Variants in RASA3 observed in about 807,000 individuals in gnomAD.
RASA3 encodes the protein ras GTPase-activating protein 3.
A neutral mutation model predicts 110.0 loss-of-function variants in RASA3; 73 were observed. The ratio of observed to expected loss-of-function variants is 0.66; its 90% CI spans 0.55 to 0.81. The LOEUF (loss-of-function observed/expected upper bound fraction) is 0.81. RASA3 is among the 30% of genes least tolerant of loss of function. The pLI is 0.00. For synonymous variants in RASA3, 500 were observed against 451.4 expected (o/e 1.11, Z -1.37); for missense variants, 976 against 1,113.2 (o/e 0.88, Z 1.75).
intron 4 of RASA3, among the ~76,000 whole-genome samples, chr13:114,039,893 G>A (rs1566513898): frequency 6.6e-6 from 1 of 152,200 alleles, no homozygotes; most frequent in Non-Finnish European, 1.5e-5. Flanking sequence ...GCAAGCCAGG[G>A]TGAGCCCCTG....
At chr13:114,071,694 G>A (rs1345920492) in intron 2 of RASA3, among the ~76,000 whole-genome samples, 4 of 152,140 alleles carry the variant, frequency 2.6e-5, no homozygotes, top group Non-Finnish European at 2.9e-5. Context: ...AACCCGGAGC[G>A]TGCATTAACA....
At chr13:114,015,129 G>A (rs2053758904) in intron 14 of RASA3, 80 bp downstream of exon 14, 5 of 1,566,702 alleles carry the variant, frequency 3.2e-6, no homozygotes, top group Non-Finnish European at 4.4e-6. Flanking sequence ...AGGGCTGCGG[G>A]GGGTTCTGCC....
rs2079246330 is a variant in RASA3 at position 114,056,415 on chromosome 13, G to C, written c.174-4260C>G. 1.0e-6 allele frequency: 1 copy of C among 980,666 alleles called. No individual in the cohort carries two copies. Among genetic ancestry groups the C allele is most frequent in the South Asian group, 4.7e-5 (1 of 21,186 alleles). 60.7% of individuals were successfully genotyped at this position (980,666 alleles called of 1,614,324 possible). A position where few individuals can be genotyped will look rare whatever the true frequency, so the allele number is the denominator to read the frequency against. On this transcript the variant is annotated intron_variant, in intron 2 of 23. Transcript: ENST00000334062. The surrounding 1 kb of genome is among the most constrained non-coding windows in gnomAD (Gnocchi z 5.7). The stretch of plus-strand genomic sequence containing the variant: ...CCTCACCACCCTGATGCACAGGGTG[G>C]GAAACCGAGGCACTCCAACATCTGA...
chr13:114,062,337 A>G (rs1010265741), intron 2 of RASA3, among the ~76,000 whole-genome samples: 5 of 152,194 alleles, frequency 3.3e-5, no homozygotes, highest in Non-Finnish European at 5.9e-5. Flanking sequence ...GCATTGTACA[A>G]AGAAAATCAG....
At chr13:114,005,410 T>C (rs2053492834) in intron 18 of RASA3, among the ~76,000 whole-genome samples, 1 of 151,550 alleles carries the variant, frequency 6.6e-6, no homozygotes, top group East Asian at 1.9e-4. Context: ...TGGGTGGAGG[T>C]TGAGGGAGGA....
chr13:114,110,713 G>A (rs1049175942), intron 1 of RASA3, among the ~76,000 whole-genome samples: 2 of 152,190 alleles, frequency 1.3e-5, no homozygotes, highest in East Asian at 1.9e-4. Context: ...GGCATGACAC[G>A]CACATCACAG....
intron 18 of RASA3, among the ~76,000 whole-genome samples, chr13:114,004,384 T>TA (rs1336196157): frequency 1.3e-5 from 2 of 151,010 alleles, no homozygotes; most frequent in Non-Finnish European, 2.9e-5. Context: ...AAATAAAAAT[T>TA]AAAAAAAAAT....
intron 2 of RASA3, among the ~76,000 whole-genome samples, chr13:114,055,754 G>T (rs1218008092): frequency 1.3e-5 from 2 of 152,204 alleles, no homozygotes; most frequent in Non-Finnish European, 2.9e-5. Context: ...TCCCGGCAGA[G>T]CCCCAAGAAC....
At chr13:114,066,367 T>A (rs7989602) in intron 2 of RASA3, among the ~76,000 whole-genome samples, 92,731 of 151,844 alleles carry the variant, frequency 0.61, 30,081 homozygotes, top group African/African-American at 0.84. Context: ...TCCAGGGAGG[T>A]GCCAGGGGCA....
chr13:114,005,677 C>T (rs1594305752), intron 18 of RASA3, among the ~76,000 whole-genome samples: 1 of 152,168 alleles, frequency 6.6e-6, no homozygotes, highest in African/African-American at 2.4e-5. Context: ...GAGGCTGCCC[C>T]CGACTAGGGA....
At position 114,014,904 on chromosome 13, in the gene RASA3, G is replaced by A. The variant is rs2053754448; in HGVS notation, c.1405+305C>T. ...CCCGGCCCCCCCAGAGACCACTGTGGTCGTGAACTCCAGGGCTGGGCCCCT... is the reference window on the plus strand; with the variant it reads ...CCCGGCCCCCCCAGAGACCACTGTGATCGTGAACTCCAGGGCTGGGCCCCT... On this transcript the variant is annotated intron_variant, in intron 14 of 23. Coordinates refer to ENST00000334062, the MANE Select transcript of RASA3 (RefSeq NM_007368.4). The surrounding 1 kb of genome is among the most constrained non-coding windows in gnomAD (Gnocchi z 4.5). Among the ~76,000 whole-genome samples the A allele has an allele frequency of 6.6e-6, 1 of 152,006 alleles. No homozygotes were observed. Among genetic ancestry groups the A allele is most frequent in the South Asian group, 2.1e-4 (1 of 4,826 alleles).
Position 114,014,061 on chromosome 13 carries a change from TGC to T in RASA3, c.1406-815_1406-814del, listed in dbSNP as rs201628328. On this transcript the variant is annotated intron_variant, in intron 14 of 23. Coordinates refer to ENST00000334062, the MANE Select transcript of RASA3 (RefSeq NM_007368.4). The surrounding 1 kb of genome is among the most constrained non-coding windows in gnomAD (Gnocchi z 4.5). ...CTCTATCTCTCTCTCCGTCTGTCTC[TGC>T]CTCTCTCTCCGTCTGTCTCTGCCTC... Among the ~76,000 whole-genome samples the T allele has an allele frequency of 3.7e-3, 453 of 123,778 alleles. 7 individuals are homozygous for T. Among genetic ancestry groups the T allele is most frequent in the East Asian group, 0.026 (131 of 5,040 alleles). 81.2% of individuals were successfully genotyped at this position (123,778 alleles called of 152,430 possible).
Position 114,059,714 on chromosome 13 carries a change from G to A in RASA3, c.174-7559C>T, listed in dbSNP as rs372307039. On this transcript the variant is annotated intron_variant, in intron 2 of 23. Coordinates refer to ENST00000334062, the MANE Select transcript of RASA3 (RefSeq NM_007368.4). ...GCCCTGCACAGTGAGACAAGCACATGGCAGGGCCTCCCACACACCAGGACC... is the reference window on the plus strand; with the variant it reads ...GCCCTGCACAGTGAGACAAGCACATAGCAGGGCCTCCCACACACCAGGACC... 3.2e-3 allele frequency among the ~76,000 whole-genome samples: 489 copies of A among 152,364 alleles called. 4 individuals are homozygous for A. Among genetic ancestry groups the A allele is most frequent in the African/African-American group, 0.011 (468 of 41,586 alleles).
At chr13:114,121,740 G>A (rs751411231) in intron 1 of RASA3, among the ~76,000 whole-genome samples, 5 of 152,326 alleles carry the variant, frequency 3.3e-5, no homozygotes, top group East Asian at 1.9e-4. Flanking sequence ...CCCTGAGTGC[G>A]GCACCATGGC....
At chr13:113,991,744 T>C (rs883162) in intron 22 of RASA3, among the ~76,000 whole-genome samples, 48,774 of 152,210 alleles carry the variant, frequency 0.32, 7,937 homozygotes, top group East Asian at 0.41. Flanking sequence ...TGACATTGAA[T>C]TGCTTTACAG....
rs935145066 is a variant in RASA3 at position 114,056,856 on chromosome 13, C to T, written c.174-4701G>A. ...CACAGCATGGCCCTGCTGCACTACC[C>T]CTGGGGAGCAAGACCTCCTCCAGCC... On this transcript the variant is annotated intron_variant, in intron 2 of 23. Coordinates refer to ENST00000334062, the MANE Select transcript of RASA3 (RefSeq NM_007368.4). The surrounding 1 kb of genome is among the most constrained non-coding windows in gnomAD (Gnocchi z 5.7). Among the ~76,000 whole-genome samples the T allele has an allele frequency of 6.6e-6, 1 of 152,142 alleles. No individual in the cohort carries two copies. The highest frequency in any genetic ancestry group is 1.5e-5 in the Non-Finnish European group (1 of 68,028).
chr13:114,104,447 A>C (rs1311510303), intron 1 of RASA3, among the ~76,000 whole-genome samples: 3 of 152,104 alleles, frequency 2.0e-5, no homozygotes. Flanking sequence ...TCCACAGCCC[A>C]TACCCCATGA....
intron 4 of RASA3, among the ~76,000 whole-genome samples, chr13:114,030,605 C>T (rs977695468): frequency 1.3e-5 from 2 of 152,214 alleles, no homozygotes; most frequent in South Asian, 2.1e-4. Flanking sequence ...GGCTGCCCTG[C>T]GGGTCCACCT....
intron 1 of RASA3, among the ~76,000 whole-genome samples, chr13:114,076,533 C>T (rs968707440): frequency 5.9e-5 from 9 of 151,566 alleles, no homozygotes; most frequent in Admixed American, 1.3e-4. Flanking sequence ...AGCACACGCA[C>T]GCAGGCAGCA....
Sources: gnomAD v4.1 joint callset for allele counts (sites outside exome capture counted in the v4.1 genomes callset) on GRCh38, gnomAD v4.1.1 for gene constraint, Gnocchi (gnomAD v3.1) non-coding constraint, MANE v1.5 for transcripts, NCBI Gene and HGNC (gene_info 2026-07-23, HGNC 2026-07-21) for gene names.